MME: variants seen among roughly 807,000 people sequenced by gnomAD.
The protein encoded by MME is membrane metalloendopeptidase, also known as neprilysin.
A neutral mutation model predicts 113.2 loss-of-function variants in MME; 98 were observed. The ratio of observed to expected loss-of-function variants is 0.87; its 90% CI spans 0.74 to 1.02. The LOEUF is 1.02. Among genes scored for constraint, MME ranks in the 50% least tolerant of loss-of-function variants. The probability of loss-of-function intolerance (pLI) is 0.00; values close to 1 mark genes in which losing one functional copy is unlikely to be tolerated. For synonymous variants in MME, 292 were observed against 300.6 expected (o/e 0.97, Z 0.30); for missense variants, 836 against 896.0 (o/e 0.93, Z 0.86).
upstream of MME, among the ~76,000 whole-genome samples, chr3:155,078,942 C>T (rs538432526): frequency 2.6e-5 from 4 of 152,124 alleles, no homozygotes; most frequent in East Asian, 7.7e-4. Context: ...CTGTGAGGGT[C>T]CAGGCGCATT....
intron 1 of MME, among the ~76,000 whole-genome samples, chr3:155,037,746 C>T (rs1713172701): frequency 6.6e-6 from 1 of 152,148 alleles, no homozygotes; most frequent in African/African-American, 2.4e-5. Context: ...CCAAATGCTG[C>T]TAGAAGGTCA....
intron 1 of MME, among the ~76,000 whole-genome samples, chr3:155,035,394 T>C (rs746953031): frequency 6.6e-6 from 1 of 151,378 alleles, no homozygotes; most frequent in East Asian, 1.9e-4. Context: ...GATAGAGATA[T>C]GATAGGAAAC....
chr3:155,055,808 T>A (rs1713905711), intron 1 of MME, among the ~76,000 whole-genome samples: 1 of 152,218 alleles, frequency 6.6e-6, no homozygotes, highest in Non-Finnish European at 1.5e-5. Flanking sequence ...ACTTTGTGAA[T>A]ATTAATTGAG....
At chr3:155,104,617 C>A (rs578216145) in intron 3 of MME, among the ~76,000 whole-genome samples, 1 of 152,248 alleles carries the variant, frequency 6.6e-6, no homozygotes, top group East Asian at 1.9e-4. Context: ...TCTTGACAGA[C>A]AATATGATCC....
At chr3:155,034,997 A>G (rs986851097) in intron 1 of MME, among the ~76,000 whole-genome samples, 5 of 152,154 alleles carry the variant, frequency 3.3e-5, no homozygotes, top group Non-Finnish European at 5.9e-5. Context: ...CCATCGACTC[A>G]GGAAGGGAAT....
At chr3:155,177,035 T>G (rs922961167) in intron 22 of MME, among the ~76,000 whole-genome samples, 1 of 152,192 alleles carries the variant, frequency 6.6e-6, no homozygotes, top group Non-Finnish European at 1.5e-5. Flanking sequence ...TGCGGTGTTA[T>G]CTGAAGACGT....
At chr3:155,171,344 G>A (rs1327358721) in intron 20 of MME, among the ~76,000 whole-genome samples, 3 of 152,124 alleles carry the variant, frequency 2.0e-5, no homozygotes, top group African/African-American at 7.2e-5. Context: ...TATGTTGACG[G>A]TAAGTGGAAG....
At chr3:155,152,757 C>G (rs768874168) in intron 16 of MME, among the ~76,000 whole-genome samples, 18 of 151,950 alleles carry the variant, frequency 1.2e-4, no homozygotes, top group Non-Finnish European at 1.8e-4. Flanking sequence ...AAGAAAATCA[C>G]TTGAACCCAG....
At chr3:155,133,039 TAAAAAA>T (rs796968290) in intron 8 of MME, among the ~76,000 whole-genome samples, 20 of 48,004 alleles carry the variant, frequency 4.2e-4, no homozygotes, top group East Asian at 1.1e-3. Context: ...AAACCCCGTC[TAAAAAA>T]AAAAAAAAAA....
chr3:155,178,297 T>A (rs1344358302), intron 22 of MME, among the ~76,000 whole-genome samples: 1 of 152,082 alleles, frequency 6.6e-6, no homozygotes, highest in African/African-American at 2.4e-5. Flanking sequence ...AGAGTTGTGG[T>A]GGAGAGGGAT....
intron 1 of MME, among the ~76,000 whole-genome samples, chr3:155,061,180 C>T (rs1281714682): frequency 2.0e-5 from 3 of 152,124 alleles, no homozygotes; most frequent in African/African-American, 7.2e-5. Context: ...CGGGCGGGCG[C>T]GGTGGCTCAC....
At chr3:155,076,545 C>A (rs1187794774), upstream of MME, among the ~76,000 whole-genome samples, 1 of 152,026 alleles carries the variant, frequency 6.6e-6, no homozygotes, top group African/African-American at 2.4e-5. Flanking sequence ...GATCCAGACC[C>A]CAAAAGAGGG....
intron 3 of MME, 58 bp downstream of exon 3, chr3:155,085,152 A>G: frequency 9.0e-7 from 1 of 1,110,288 alleles, no homozygotes; most frequent in Non-Finnish European, 1.3e-6. Context: ...ATTTAAAATT[A>G]AATGCTAATC....
chr3:155,084,329 T>C lies in MME; in HGVS notation c.160+2T>C, dbSNP rs1446583831. The C allele has an allele frequency of 1.9e-6, 3 of 1,613,958 alleles. No homozygotes were observed. Among genetic ancestry groups the C allele is most frequent in the Non-Finnish European group, 2.5e-6 (3 of 1,179,964 alleles). ...TCGCACTCTATGCAACCTACGATGG[T>C]GAGTTACTCCCACACCTGTGCATCC... On this transcript the variant is annotated splice_donor_variant, in intron 2 of 22. Coordinates refer to ENST00000360490, the MANE Select transcript of MME (RefSeq NM_007289.4). LOFTEE classifies it high-confidence loss of function.
intron 1 of MME, among the ~76,000 whole-genome samples, chr3:155,054,988 T>C (rs1713878911): frequency 6.6e-6 from 1 of 152,210 alleles, no homozygotes; most frequent in African/African-American, 2.4e-5. Context: ...GTTAACCACC[T>C]TGAAAAATTG....
intron 8 of MME, among the ~76,000 whole-genome samples, chr3:155,123,341 C>G (rs1219235071): frequency 3.4e-5 from 4 of 117,436 alleles, no homozygotes; most frequent in African/African-American, 1.3e-4. Context: ...TTCCTGAATA[C>G]AGCACACTGA....
intron 1 of MME, among the ~76,000 whole-genome samples, chr3:155,058,122 A>G (rs1304156091): frequency 6.6e-6 from 1 of 152,192 alleles, no homozygotes; most frequent in Non-Finnish European, 1.5e-5. Context: ...AGACAAAAAT[A>G]AACCTTGTAT....
intron 1 of MME, among the ~76,000 whole-genome samples, chr3:155,028,652 T>C (rs1183893433): frequency 2.0e-5 from 3 of 152,234 alleles, no homozygotes; most frequent in South Asian, 4.1e-4. Flanking sequence ...TTATTCTAAA[T>C]GAATTCTGAC....
At chr3:155,150,348 G>A (rs569051977) in intron 16 of MME, among the ~76,000 whole-genome samples, 2 of 151,986 alleles carry the variant, frequency 1.3e-5, no homozygotes, top group Non-Finnish European at 2.9e-5. Flanking sequence ...GATTTTCTCT[G>A]CATTCTTCTC....
Sources: gnomAD v4.1 joint callset for allele counts (sites outside exome capture counted in the v4.1 genomes callset) on GRCh38, gnomAD v4.1.1 for gene constraint, MANE v1.5 for transcripts, NCBI Gene and HGNC (gene_info 2026-07-23, HGNC 2026-07-21) for gene names.